Variants in VPS13B observed in about 807,000 individuals in gnomAD.
The protein encoded by VPS13B is vacuolar protein sorting 13 homolog B, also known as intermembrane lipid transfer protein VPS13B.
In VPS13B, 285 loss-of-function variants were observed where a neutral mutation model predicts 426.4. That is an observed-to-expected ratio of 0.67 (90% CI 0.61 to 0.74). VPS13B has a LOEUF of 0.74. VPS13B is among the 30% of genes least tolerant of loss of function. VPS13B has a pLI of 0.00. For missense variants in VPS13B, 4,537 were observed against 4,782.6 expected (o/e 0.95, Z 1.51); for synonymous variants, 1,676 against 1,676.4 (o/e 1.00, Z 0.01).
chr8:99,149,702 T>C (rs568709383), intron 14 of VPS13B, among the ~76,000 whole-genome samples: 1 of 151,740 alleles, frequency 6.6e-6, no homozygotes, highest in African/African-American at 2.4e-5. Context: ...TGCGGACCAG[T>C]ACTGGTCAGT....
intron 34 of VPS13B, among the ~76,000 whole-genome samples, chr8:99,647,371 G>C (rs1286796766): frequency 6.6e-6 from 1 of 152,058 alleles, no homozygotes; most frequent in Non-Finnish European, 1.5e-5. Flanking sequence ...AGACCAGCCT[G>C]GCCAACATGG....
chr8:99,099,968 A>G (rs907411040), intron 4 of VPS13B, among the ~76,000 whole-genome samples: 1 of 152,278 alleles, frequency 6.6e-6, no homozygotes, highest in Non-Finnish European at 1.5e-5. Context: ...CTATTTTCAG[A>G]TGCGTGTGGA....
intron 23 of VPS13B, among the ~76,000 whole-genome samples, chr8:99,461,864 AGT>A (rs1193795503): frequency 2.2e-4 from 33 of 152,162 alleles, no homozygotes; most frequent in African/African-American, 8.0e-4. Flanking sequence ...ACTAAATATC[AGT>A]TAATAGTTGG....
Position 99,721,046 on chromosome 8 carries a change from A to C in VPS13B, c.7049A>C (p.Gln2350Pro). Residue 2350 changes from glutamine to proline, a missense_variant and splice_region_variant, in exon 39 of 62, where the codon CAG becomes CCG. Gln to Pro is a moderately conservative substitution (Grantham distance 76). Around this residue, in one of 2 missense-constraint regions of VPS13B, gnomAD observed 4,311 missense variants for 4,474.3 expected, o/e 0.96. Coordinates refer to ENST00000357162, the MANE Select transcript of VPS13B (RefSeq NM_152564.5). ...ACAGCAGACCTTGGTGATGTGCTACAGGTATGTAATGACCATTCATTGTAA... is the reference window on the plus strand; with the variant it reads ...ACAGCAGACCTTGGTGATGTGCTACCGGTATGTAATGACCATTCATTGTAA... Reference protein sequence around the residue: ...ISTADLGDVLQVPCSLEYWDE... With the variant: ...ISTADLGDVLPVPCSLEYWDE... 1 of 1,613,940 alleles carries C rather than the reference A, an allele frequency of 6.2e-7. No individual in the cohort carries two copies.
intron 33 of VPS13B, among the ~76,000 whole-genome samples, chr8:99,588,436 C>A (rs902519712): frequency 6.6e-5 from 10 of 151,806 alleles, no homozygotes; most frequent in African/African-American, 1.9e-4. Flanking sequence ...AATATTGATT[C>A]TTCTATCCAT....
intron 33 of VPS13B, among the ~76,000 whole-genome samples, chr8:99,629,490 C>T (rs1361150303): frequency 6.6e-6 from 1 of 152,056 alleles, no homozygotes; most frequent in African/African-American, 2.4e-5. Flanking sequence ...GTGATAGAGA[C>T]AGCTTGTTCT....
intron 50 of VPS13B, 89 bp downstream of exon 50, chr8:99,821,571 CT>C: frequency 6.9e-7 from 1 of 1,448,714 alleles, no homozygotes; most frequent in Non-Finnish European, 9.7e-7. Flanking sequence ...TTTTTGATAC[CT>C]TTTTCATATT....
At chr8:99,048,814 C>CAA (rs60561427) in intron 3 of VPS13B, among the ~76,000 whole-genome samples, 7,260 of 146,310 alleles carry the variant, frequency 0.05, 263 homozygotes, top group Non-Finnish European at 0.076. Flanking sequence ...AACTCTGTCT[C>CAA]AAAAAAAAAA....
chr8:99,528,693 C>T (rs527515479), intron 30 of VPS13B, among the ~76,000 whole-genome samples: 2 of 152,040 alleles, frequency 1.3e-5, no homozygotes, highest in Admixed American at 6.5e-5. Context: ...TTCTATCTTC[C>T]GAAAATTACT....
chr8:99,094,818 A>G (rs1846336702), intron 3 of VPS13B, among the ~76,000 whole-genome samples: 1 of 152,132 alleles, frequency 6.6e-6, no homozygotes, highest in Non-Finnish European at 1.5e-5. Flanking sequence ...TAAATTTAAT[A>G]CCATTCTTGT....
intron 14 of VPS13B, 84 bp from the exon 15 acceptor site, chr8:99,156,465 C>T: frequency 7.5e-7 from 1 of 1,330,444 alleles, no homozygotes; most frequent in South Asian, 1.2e-5. Flanking sequence ...TGCAAATGTG[C>T]AGATCTGAAG....
chr8:99,216,387 T>G (rs1271639955), intron 17 of VPS13B, among the ~76,000 whole-genome samples: 1 of 152,164 alleles, frequency 6.6e-6, no homozygotes, highest in Non-Finnish European at 1.5e-5. Flanking sequence ...TCTCCTCCCA[T>G]GTCTCTTAGG....
intron 19 of VPS13B, among the ~76,000 whole-genome samples, chr8:99,290,987 A>G (rs1032549012): frequency 7.2e-5 from 11 of 152,134 alleles, no homozygotes; most frequent in African/African-American, 2.2e-4. Context: ...TGCCAAAGGA[A>G]ATAGTTAAAA....
rs149277865 is a variant in VPS13B, at chr8:99,754,466, G to A, written c.7051-12308G>A. Among the ~76,000 whole-genome samples the A allele has an allele frequency of 1.4e-3, 215 of 152,246 alleles. 1 individual carries two copies. The highest frequency in any genetic ancestry group is 5.1e-3 in the African/African-American group (211 of 41,552). ...TTAAGCCCTAACACATTCATAAAGAGAAACCTCCCATTATTGTACAAAGAC... is the reference window on the plus strand; with the variant it reads ...TTAAGCCCTAACACATTCATAAAGAAAAACCTCCCATTATTGTACAAAGAC... On this transcript the variant is annotated intron_variant, in intron 39 of 61. Transcript: ENST00000357162.
chr8:99,538,436 C>A (rs763983931), intron 30 of VPS13B, among the ~76,000 whole-genome samples: 23 of 151,884 alleles, frequency 1.5e-4, no homozygotes, highest in Admixed American at 1.2e-3. Context: ...TTTGTTCACC[C>A]ATTAGTCATT....
intron 19 of VPS13B, among the ~76,000 whole-genome samples, chr8:99,338,593 T>C (rs1484256392): frequency 2.0e-5 from 3 of 152,274 alleles, no homozygotes; most frequent in East Asian, 1.9e-4. Context: ...TAATTTTAGC[T>C]TTTATTTTGC....
intron 21 of VPS13B, chr8:99,424,454 T>C (rs1325591470): frequency 1.3e-5 from 2 of 152,186 alleles, no homozygotes; most frequent in African/African-American, 4.8e-5. Flanking sequence ...TGCTCCTGAA[T>C]GATTACTGGG....
intron 21 of VPS13B, among the ~76,000 whole-genome samples, chr8:99,402,152 G>C (rs1333772413): frequency 1.3e-5 from 2 of 152,180 alleles, no homozygotes; most frequent in Admixed American, 1.3e-4. Context: ...AACTTGTCCA[G>C]TGAGACAGAA....
At chr8:99,481,989 T>C (rs949839355) in intron 25 of VPS13B, among the ~76,000 whole-genome samples, 187 bp downstream of exon 25, 1 of 152,244 alleles carries the variant, frequency 6.6e-6, no homozygotes, top group South Asian at 2.1e-4. Context: ...TTTTAATCAC[T>C]TTTAGCAGCT....
Sources: allele counts gnomAD v4.1 joint callset (sites outside exome capture counted in the v4.1 genomes callset), GRCh38; gene constraint gnomAD v4.1.1; regional missense constraint gnomAD v4.1.1; transcripts MANE v1.5; gene names NCBI Gene and HGNC (gene_info 2026-07-23, HGNC 2026-07-21).